Variants in GLIS3 observed in about 807,000 individuals in gnomAD.
GLIS3 encodes zinc finger protein GLIS3.
In GLIS3, 53 loss-of-function variants were observed where a neutral mutation model predicts 78.6. That is an observed-to-expected ratio of 0.67 (90% CI 0.54 to 0.85). GLIS3 has a LOEUF of 0.85. Among genes scored for constraint, GLIS3 ranks in the 40% least tolerant of loss-of-function variants. GLIS3 has a pLI of 0.00. For missense variants in GLIS3, 1,703 were observed against 1,231.1 expected (o/e 1.38, Z -5.74); for synonymous variants, 684 against 509.9 (o/e 1.34, Z -4.60).
At chr9:3,920,362 A>AT (rs1399587457) in intron 6 of GLIS3, among the ~76,000 whole-genome samples, 3 of 152,184 alleles carry the variant, frequency 2.0e-5, no homozygotes, top group African/African-American at 7.2e-5. Context: ...GGTTGAAGAG[A>AT]TAAAAGTGGT....
At chr9:4,238,151 C>T (rs912517906) in intron 2 of GLIS3, among the ~76,000 whole-genome samples, 1 of 152,176 alleles carries the variant, frequency 6.6e-6, no homozygotes, top group African/African-American at 2.4e-5. Flanking sequence ...CTCGTTCCTA[C>T]TTTACATAAA....
intron 2 of GLIS3, among the ~76,000 whole-genome samples, chr9:4,166,794 C>T (rs1024480669): frequency 5.3e-5 from 8 of 152,214 alleles, no homozygotes; most frequent in Non-Finnish European, 8.8e-5. Flanking sequence ...AAACAGAGGA[C>T]TCAAGAATCA....
At chr9:4,414,295 G>A in the GLIS3 span, among the ~76,000 whole-genome samples, 51 of 152,294 alleles carry the variant, frequency 3.3e-4, no homozygotes, top group Non-Finnish European at 4.7e-4. Context: ...TGGAAGACAT[G>A]GCAAAACATG....
chr9:4,071,858 A>C (rs1827640409), intron 4 of GLIS3: 1 of 152,262 alleles, frequency 6.6e-6, no homozygotes, highest in South Asian at 2.1e-4. Flanking sequence ...AGTCACCCTG[A>C]GAATTTCAAG....
At chr9:4,084,085 T>C (rs1041348751) in intron 4 of GLIS3, among the ~76,000 whole-genome samples, 1 of 152,142 alleles carries the variant, frequency 6.6e-6, no homozygotes, top group African/African-American at 2.4e-5. Context: ...CACAGCAACT[T>C]TTCCAGGTCT....
At chr9:4,365,928 T>C in the GLIS3 span, among the ~76,000 whole-genome samples, 3 of 152,338 alleles carry the variant, frequency 2.0e-5, no homozygotes, top group African/African-American at 7.2e-5. Context: ...ATTCACACTC[T>C]AGAGTCTATT....
intron 4 of GLIS3, among the ~76,000 whole-genome samples, chr9:3,962,788 A>C (rs988541447): frequency 6.6e-6 from 1 of 152,126 alleles, no homozygotes; most frequent in East Asian, 1.9e-4. Context: ...ACTCTAGCAA[A>C]AGGGATCCCC....
intron 1 of GLIS3, among the ~76,000 whole-genome samples, chr9:4,293,039 A>C (rs1343972116): frequency 6.6e-6 from 1 of 152,202 alleles, no homozygotes; most frequent in East Asian, 1.9e-4. Context: ...CTGGCTGGAG[A>C]TGTTTCTTTC....
the GLIS3 span, among the ~76,000 whole-genome samples, chr9:4,458,182 G>C: frequency 1.3e-5 from 2 of 152,090 alleles, no homozygotes; most frequent in Non-Finnish European, 2.9e-5. Flanking sequence ...AGACTGTCTT[G>C]CTCTACTTGG....
intron 3 of GLIS3, among the ~76,000 whole-genome samples, chr9:4,120,327 C>G (rs774821765): frequency 5.3e-5 from 8 of 152,226 alleles, no homozygotes; most frequent in Non-Finnish European, 1.2e-4. Context: ...ATGTTACCAT[C>G]GAGTGAAGTA....
At chr9:4,161,092 A>G (rs1354279953) in intron 2 of GLIS3, among the ~76,000 whole-genome samples, 6 of 150,646 alleles carry the variant, frequency 4.0e-5, no homozygotes, top group African/African-American at 7.3e-5. Flanking sequence ...AAAAAAAAAA[A>G]AAAGAAAGAA....
the GLIS3 span, among the ~76,000 whole-genome samples, chr9:4,359,304 C>G: frequency 1.3e-5 from 2 of 152,084 alleles, no homozygotes; most frequent in African/African-American, 4.8e-5. Context: ...CTCATCAGAT[C>G]TTTTCTCCTT....
At chr9:4,265,169 C>G (rs1490014461) in intron 2 of GLIS3, among the ~76,000 whole-genome samples, 1 of 105,158 alleles carries the variant, frequency 9.5e-6, no homozygotes, top group Admixed American at 1.0e-4. Context: ...GAGACGCCGT[C>G]TCAAAAAAAA....
the GLIS3 span, among the ~76,000 whole-genome samples, chr9:4,462,770 C>G: frequency 6.6e-6 from 1 of 152,002 alleles, no homozygotes; most frequent in African/African-American, 2.4e-5. Flanking sequence ...TGGCTGTGCC[C>G]CTGTGCTCCA....
chr9:4,280,708 T>G (rs1306459673), intron 2 of GLIS3, among the ~76,000 whole-genome samples: 1 of 151,838 alleles, frequency 6.6e-6, no homozygotes. Flanking sequence ...TGGGAGGAGT[T>G]GTTCTTTTTC....
chr9:4,097,355 A>G (rs1355375396), intron 4 of GLIS3, among the ~76,000 whole-genome samples: 1 of 152,032 alleles, frequency 6.6e-6, no homozygotes, highest in East Asian at 1.9e-4. Flanking sequence ...ATCCTAGAAG[A>G]AGGAACAGGG....
the GLIS3 span, among the ~76,000 whole-genome samples, chr9:4,434,392 G>T: frequency 7.9e-5 from 12 of 152,090 alleles, no homozygotes; most frequent in Non-Finnish European, 1.6e-4. Flanking sequence ...CGTAAGAAAA[G>T]AAGCACCTAA....
chr9:3,897,318 G>A (rs554672162), intron 7 of GLIS3, among the ~76,000 whole-genome samples: 1 of 152,144 alleles, frequency 6.6e-6, no homozygotes, highest in African/African-American at 2.4e-5. Context: ...AGTAGTAGGG[G>A]AATGCTTTAT....
At chr9:4,397,496 CT>C in the GLIS3 span, among the ~76,000 whole-genome samples, 1 of 151,682 alleles carries the variant, frequency 6.6e-6, no homozygotes, top group South Asian at 2.1e-4. Context: ...CTGCTTCCCC[CT>C]GACTCCCCAC....
Sources: allele counts gnomAD v4.1 joint callset (sites outside exome capture counted in the v4.1 genomes callset), GRCh38; gene constraint gnomAD v4.1.1; transcripts MANE v1.5; gene names NCBI Gene and HGNC (gene_info 2026-07-23, HGNC 2026-07-21).